Variants in UBXN7 observed in about 807,000 individuals in gnomAD.
UBXN7 encodes UBX domain-containing protein 7.
In UBXN7, 9 loss-of-function variants were observed where a neutral mutation model predicts 58.0. The ratio of observed to expected loss-of-function variants is 0.16; its 90% CI spans 0.09 to 0.27. The LOEUF (loss-of-function observed/expected upper bound fraction) is 0.27. Among genes scored for constraint, UBXN7 ranks in the 10% least tolerant of loss-of-function variants. The pLI, the probability that UBXN7 is intolerant of heterozygous loss-of-function variation, is 1.00. For synonymous variants in UBXN7, 208 were observed against 205.0 expected, an observed-to-expected ratio of 1.01 and a Z score of -0.12; for missense variants, 328 against 599.6, an observed-to-expected ratio of 0.55 and a Z score of 4.73.
chr3:196,395,370 A>ATATG (rs1291935631), intron 3 of UBXN7, among the ~76,000 whole-genome samples: 3 of 152,208 alleles, frequency 2.0e-5, no homozygotes, highest in Admixed American at 6.5e-5. Flanking sequence ...ATTCCTGTGT[A>ATATG]TATGTGTATG....
intron 2 of UBXN7, among the ~76,000 whole-genome samples, chr3:196,404,333 G>T (rs947828738): frequency 6.7e-6 from 1 of 150,268 alleles, no homozygotes; most frequent in Non-Finnish European, 1.5e-5. Context: ...TATGATCTCG[G>T]CTCACTGCAA....
Position 196,353,340 on chromosome 3 carries a change from A to G in UBXN7, c.*3345T>C, listed in dbSNP as rs1728260111. 1 of 152,200 alleles carries G rather than the reference A, an allele frequency of 6.6e-6. No individual in the cohort carries two copies. The highest frequency in any genetic ancestry group is 1.5e-5 in the Non-Finnish European group (1 of 68,032). 9.4% of individuals were successfully genotyped at this position (152,200 alleles called of 1,614,324 possible). ...GAGATTGAAGAGGCAAATGTACACAAAAGTATCTGGTGCATGCCAATTAGT... is the reference window on the plus strand; with the variant it reads ...GAGATTGAAGAGGCAAATGTACACAGAAGTATCTGGTGCATGCCAATTAGT... On this transcript the variant is annotated 3_prime_UTR_variant, in exon 11 of 11. Transcript: ENST00000296328.
intron 3 of UBXN7, chr3:196,397,628 C>G (rs1455931513): frequency 6.6e-6 from 1 of 152,194 alleles, no homozygotes; most frequent in African/African-American, 2.4e-5. Flanking sequence ...GTGTCCTCCA[C>G]TGCTGGCAGG....
chr3:196,412,989 C>T (rs1047914281), intron 1 of UBXN7, among the ~76,000 whole-genome samples: 4 of 152,092 alleles, frequency 2.6e-5, no homozygotes, highest in East Asian at 1.9e-4. Flanking sequence ...TAGAGAGGGA[C>T]GGTGGTAATG....
intron 1 of UBXN7, among the ~76,000 whole-genome samples, chr3:196,413,332 C>G (rs1276811949): frequency 6.6e-6 from 1 of 151,802 alleles, no homozygotes; most frequent in Non-Finnish European, 1.5e-5. Flanking sequence ...GAGCGAAACT[C>G]TGTCTCAAAA....
At chr3:196,381,719 C>A (rs1313259632) in intron 5 of UBXN7, among the ~76,000 whole-genome samples, 1 of 152,148 alleles carries the variant, frequency 6.6e-6, no homozygotes, top group Non-Finnish European at 1.5e-5. Flanking sequence ...TCGAACCCAT[C>A]GCAAGGAAGC....
chr3:196,349,309 G>A lies in UBXN7; in HGVS notation c.*7376C>T, dbSNP rs891218789. ...GCTTGCTACTCGTTAACTGAAAAGT[G>A]GAGGCCACGCACTACTTTCACTCTC... On this transcript the variant is annotated 3_prime_UTR_variant, in exon 11 of 11. Coordinates refer to ENST00000296328, the MANE Select transcript of UBXN7 (RefSeq NM_015562.2). 1.1e-4 allele frequency: 16 copies of A among 152,214 alleles called. No individual in the cohort carries two copies. Among genetic ancestry groups the A allele is most frequent in the African/African-American group, 3.6e-4 (15 of 41,456 alleles). 9.4% of individuals were successfully genotyped at this position (152,214 alleles called of 1,614,324 possible). A position where few individuals can be genotyped will look rare whatever the true frequency, so the allele number is the denominator to read the frequency against.
intron 1 of UBXN7, 68 bp from the exon 2 acceptor site, chr3:196,407,461 T>A: frequency 6.6e-7 from 1 of 1,523,232 alleles, no homozygotes; most frequent in Non-Finnish European, 8.7e-7. Flanking sequence ...TTTCTTCAGC[T>A]CATATTAGAA....
rs116442604 is a variant in UBXN7, at chr3:196,369,721, T to C, written c.616-210A>G. ...TCTCTGGAAATTTACCATAAACATA[T>C]TGACCCATTCCTCCTCCTTTCCCAG... On this transcript the variant is annotated intron_variant, in intron 6 of 10. Transcript: ENST00000296328. Among the ~76,000 whole-genome samples, 210 of 152,320 alleles carry C rather than the reference T, an allele frequency of 1.4e-3. 2 individuals are homozygous for C. The highest frequency in any genetic ancestry group is 4.9e-3 in the African/African-American group (203 of 41,586).
chr3:196,380,035 G>A (rs968493510), intron 5 of UBXN7, among the ~76,000 whole-genome samples: 2 of 152,118 alleles, frequency 1.3e-5, no homozygotes, highest in Non-Finnish European at 2.9e-5. Context: ...GGATCACGAG[G>A]TCAGGAGATC....
At chr3:196,382,052 A>C (rs1729224098) in intron 5 of UBXN7, among the ~76,000 whole-genome samples, 1 of 152,136 alleles carries the variant, frequency 6.6e-6, no homozygotes, top group Non-Finnish European at 1.5e-5. Flanking sequence ...TGGAACCAAG[A>C]TGGAAAACAC....
chr3:196,367,950 T>C, intron 8 of UBXN7, 78 bp downstream of exon 8: 1 of 1,550,628 alleles, frequency 6.4e-7, no homozygotes, highest in Non-Finnish European at 8.7e-7. Flanking sequence ...TTTACCATCT[T>C]AACATCGAAC....
At chr3:196,357,123 T>C (rs187541359) in intron 10 of UBXN7, among the ~76,000 whole-genome samples, 1 of 152,372 alleles carries the variant, frequency 6.6e-6, no homozygotes, top group African/African-American at 2.4e-5. Flanking sequence ...TCACTATTCA[T>C]AAAATTAAAT....
At chr3:196,406,559 C>T (rs966390500) in intron 2 of UBXN7, among the ~76,000 whole-genome samples, 1 of 152,108 alleles carries the variant, frequency 6.6e-6, no homozygotes, top group Non-Finnish European at 1.5e-5. Flanking sequence ...TGTGCCTCAG[C>T]CTCCCGAGTA....
intron 2 of UBXN7, among the ~76,000 whole-genome samples, chr3:196,405,904 A>G (rs1164102549): frequency 6.6e-6 from 1 of 152,270 alleles, no homozygotes; most frequent in Non-Finnish European, 1.5e-5. Flanking sequence ...TCATTTATCA[A>G]AACTATTTTT....
At chr3:196,372,967 T>C (rs1274633423) in intron 5 of UBXN7, among the ~76,000 whole-genome samples, 1 of 152,130 alleles carries the variant, frequency 6.6e-6, no homozygotes, top group Non-Finnish European at 1.5e-5. Flanking sequence ...GCCAGGCTGG[T>C]CTCAAACTCC....
chr3:196,369,307 C>T lies in UBXN7; in HGVS notation c.706+114G>A, dbSNP rs1054425869. On this transcript the variant is annotated intron_variant, in intron 7 of 10. Coordinates refer to ENST00000296328, the MANE Select transcript of UBXN7 (RefSeq NM_015562.2). Reference sequence around the variant, plus strand: ...TATAAAGGGAAAAAAACGAAACCTTCACCTAAATTACTGCAATTCTGAAAA... The same window carrying T: ...TATAAAGGGAAAAAAACGAAACCTTTACCTAAATTACTGCAATTCTGAAAA... 1.7e-5 allele frequency: 14 copies of T among 836,218 alleles called. No individual in the cohort carries two copies. In the African/African-American group the frequency reaches 2.1e-4, roughly 12 times the overall value. 51.8% of individuals were successfully genotyped at this position (836,218 alleles called of 1,614,324 possible).
intron 1 of UBXN7, among the ~76,000 whole-genome samples, chr3:196,431,130 C>T (rs1423457521): frequency 6.6e-6 from 1 of 152,132 alleles, no homozygotes; most frequent in Non-Finnish European, 1.5e-5. Context: ...TAAAATTTTA[C>T]TTAACCAGAT....
chr3:196,417,121 G>A (rs539759722), intron 1 of UBXN7, among the ~76,000 whole-genome samples: 15 of 152,256 alleles, frequency 9.9e-5, no homozygotes, highest in South Asian at 2.1e-4. Context: ...AGACCATCCT[G>A]GCTAACACGG....
Sources: gnomAD v4.1 joint callset for allele counts (sites outside exome capture counted in the v4.1 genomes callset) on GRCh38, gnomAD v4.1.1 for gene constraint, MANE v1.5 for transcripts, NCBI Gene and HGNC (gene_info 2026-07-23, HGNC 2026-07-21) for gene names.